The following ANK1 variants were observed in gnomAD, a reference collection of about 807,000 sequenced individuals.
ANK1 encodes ankyrin 1.
ANK1 carries 51 observed loss-of-function variants against 210.4 expected under a neutral mutation model. The ratio of observed to expected loss-of-function variants is 0.24; its 90% CI spans 0.19 to 0.31. The LOEUF (loss-of-function observed/expected upper bound fraction) is 0.31, where lower values mean the gene tolerates loss of function less well. ANK1 is among the 10% of genes least tolerant of loss of function. The probability of loss-of-function intolerance (pLI) is 1.00; values close to 1 mark genes in which losing one functional copy is unlikely to be tolerated. For missense variants in ANK1, 2,051 were observed against 2,504.4 expected, an observed-to-expected ratio of 0.82 and a Z score of 3.86; for synonymous variants, 967 against 1,025.9, an observed-to-expected ratio of 0.94 and a Z score of 1.10.
At chr8:41,832,828 T>C (rs937220206) in intron 1 of ANK1, among the ~76,000 whole-genome samples, 1 of 152,250 alleles carries the variant, frequency 6.6e-6, no homozygotes, top group Non-Finnish European at 1.5e-5. Context: ...CTGGCAACTC[T>C]GTCCCCACCC....
rs59985416 is a variant in ANK1, at chr8:41,703,450, A to ATATATATT, written c.2295+590_2295+591insAATATATA. Among the ~76,000 whole-genome samples the ATATATATT allele has an allele frequency of 4.6e-3, 269 of 58,778 alleles. 2 individuals are homozygous for ATATATATT. Among genetic ancestry groups the ATATATATT allele is most frequent in the Non-Finnish European group, 6.6e-3 (233 of 35,498 alleles). The allele number at this position is 58,778 out of a possible 152,430, so 38.6% of individuals were successfully genotyped here. ...TATATATATATATATATATATATAT[A>ATATATATT]TTTTTTTTTTTTTTTTAAGACACAA... On this transcript the variant is annotated intron_variant, in intron 20 of 42. Transcript: ENST00000289734.
At chr8:41,701,915 T>C in intron 21 of ANK1, 137 bp downstream of exon 21, 1 of 909,692 alleles carries the variant, frequency 1.1e-6, no homozygotes, top group South Asian at 1.5e-5. Flanking sequence ...GAGGACAAGC[T>C]CCCACCCGTC....
chr8:41,865,821 C>T (rs1412506264), intron 1 of ANK1, among the ~76,000 whole-genome samples: 1 of 152,162 alleles, frequency 6.6e-6, no homozygotes, highest in Non-Finnish European at 1.5e-5. Flanking sequence ...GCCTCCTAAT[C>T]GCCTCCATCC....
At chr8:41,671,933 T>C (rs1812521804) in intron 38 of ANK1, among the ~76,000 whole-genome samples, 1 of 133,220 alleles carries the variant, frequency 7.5e-6, no homozygotes, top group African/African-American at 2.9e-5. Flanking sequence ...CCCAGTGCCC[T>C]AATGTCCCTA....
chr8:41,700,483 A>G, intron 22 of ANK1: 4 of 1,611,592 alleles, frequency 2.5e-6, no homozygotes, highest in Non-Finnish European at 3.4e-6. Flanking sequence ...CAGAATTGAA[A>G]GAAGGACCAC....
rs369730126 is a variant in ANK1, at chr8:41,684,496, T to C, written c.4537+48A>G. The C allele has an allele frequency of 2.0e-5, 33 of 1,610,142 alleles. No individual in the cohort carries two copies. In the African/African-American group the frequency reaches 4.0e-4, roughly 20 times the overall value. ...AAGGGGTTATTGGTGCTGATGCCTG[T>C]AGGGCAGGGCTCCGGCTCAGTCCCC... On this transcript the variant is annotated intron_variant, in intron 37 of 42. Coordinates refer to ENST00000289734, the MANE Select transcript of ANK1 (RefSeq NM_000037.4).
intron 17 of ANK1, 33 bp downstream of exon 17, chr8:41,708,745 A>G: frequency 6.2e-7 from 1 of 1,610,460 alleles, no homozygotes; most frequent in Admixed American, 1.7e-5. Context: ...GTTATCCAGC[A>G]CTCCAGGGCA....
intron 37 of ANK1, among the ~76,000 whole-genome samples, chr8:41,677,771 G>A (rs1219330248): frequency 6.6e-6 from 1 of 151,656 alleles, no homozygotes; most frequent in African/African-American, 2.4e-5. Flanking sequence ...TGTATTTTTT[G>A]TAGAGATGGA....
At chr8:41,803,615 A>AT (rs561239856) in intron 1 of ANK1, among the ~76,000 whole-genome samples, 2 of 151,778 alleles carry the variant, frequency 1.3e-5, no homozygotes, top group Non-Finnish European at 2.9e-5. Flanking sequence ...GGAAACAGTG[A>AT]TAGCATGTTT....
chr8:41,727,469 C>A, intron 4 of ANK1, 121 bp from the exon 5 acceptor site: 2 of 766,316 alleles, frequency 2.6e-6, no homozygotes, highest in Non-Finnish European at 4.5e-6. Context: ...CCCACCTGAC[C>A]CCTCCTAAGG....
chr8:41,676,329 A>T (rs518629), intron 37 of ANK1, among the ~76,000 whole-genome samples: 116,464 of 152,186 alleles, frequency 0.77, 44,815 homozygotes, highest in Admixed American at 0.81. Flanking sequence ...TGTATTTCCC[A>T]AATCACTAAT....
At chr8:41,661,727 T>G (rs1808281804) in intron 41 of ANK1, 149 bp downstream of exon 41, 1 of 1,601,280 alleles carries the variant, frequency 6.2e-7, no homozygotes, top group Non-Finnish European at 8.5e-7. Context: ...GAGGGAGGTG[T>G]CATGCAGACG....
At chr8:41,718,581 G>A (rs569773894) in intron 10 of ANK1, among the ~76,000 whole-genome samples, 1 of 152,268 alleles carries the variant, frequency 6.6e-6, no homozygotes, top group African/African-American at 2.4e-5. Flanking sequence ...TGAAACCACT[G>A]ATCATTTTTA....
chr8:41,864,218 C>A (rs2150820295), intron 1 of ANK1, among the ~76,000 whole-genome samples: 1 of 149,054 alleles, frequency 6.7e-6, no homozygotes, highest in East Asian at 2.0e-4. Context: ...CCACTGCACT[C>A]CAGCCTGGGT....
At chr8:41,665,204 G>A (rs1023704360) in intron 39 of ANK1, 9 of 1,529,304 alleles carry the variant, frequency 5.9e-6, no homozygotes, top group Admixed American at 2.0e-5. Context: ...GCAGGACACC[G>A]AATGGCCCTC....
chr8:41,806,624 G>A (rs145441971), intron 1 of ANK1, among the ~76,000 whole-genome samples: 3 of 152,182 alleles, frequency 2.0e-5, no homozygotes, highest in Non-Finnish European at 2.9e-5. Flanking sequence ...AGAATTGCTC[G>A]AGCCTGGGAG....
intron 2 of ANK1, among the ~76,000 whole-genome samples, chr8:41,735,430 C>T (rs552741225): frequency 6.6e-6 from 1 of 152,256 alleles, no homozygotes; most frequent in South Asian, 2.1e-4. Context: ...CCTGGCCTCC[C>T]GTTTTGATTA....
At position 41,654,416 on chromosome 8, in the gene ANK1, G is replaced by C. The variant is rs1311541120; in HGVS notation, c.*1374C>G. ...GGCTCGCCTCTCCAAGAGGCCACAGGGGCTGGGCAGAGGGGAGGCACTGAG... is the reference window on the plus strand; with the variant it reads ...GGCTCGCCTCTCCAAGAGGCCACAGCGGCTGGGCAGAGGGGAGGCACTGAG... On this transcript the variant is annotated 3_prime_UTR_variant, in exon 43 of 43. Coordinates refer to ENST00000289734, the MANE Select transcript of ANK1 (RefSeq NM_000037.4). 2.0e-5 allele frequency: 3 copies of C among 152,698 alleles called. No homozygotes were observed. The highest frequency in any genetic ancestry group is 4.4e-5 in the Non-Finnish European group (3 of 68,104). 9.5% of individuals were successfully genotyped at this position (152,698 alleles called of 1,614,324 possible). A position where few individuals can be genotyped will look rare whatever the true frequency, so the allele number is the denominator to read the frequency against.
intron 37 of ANK1, among the ~76,000 whole-genome samples, chr8:41,681,305 G>A (rs987180029): frequency 1.3e-5 from 2 of 152,246 alleles, no homozygotes; most frequent in Non-Finnish European, 2.9e-5. Context: ...CCTCTCATAA[G>A]GGAAGTCTGT....
Sources: gnomAD v4.1 joint callset for allele counts (sites outside exome capture counted in the v4.1 genomes callset) on GRCh38, gnomAD v4.1.1 for gene constraint, MANE v1.5 for transcripts, NCBI Gene and HGNC (gene_info 2026-07-23, HGNC 2026-07-21) for gene names.